Variants in PDE10A observed in about 807,000 individuals in gnomAD.
The protein encoded by PDE10A is phosphodiesterase 10A.
Under a neutral mutation model 97.7 loss-of-function variants are expected in PDE10A, and 39 were observed. The observed-to-expected ratio is 0.40, with a 90% CI of 0.31 to 0.52. The LOEUF is 0.52. Among genes scored for constraint, PDE10A ranks in the 20% least tolerant of loss-of-function variants. The probability of loss-of-function intolerance (pLI) is 0.56; values close to 1 mark genes in which losing one functional copy is unlikely to be tolerated. For missense variants in PDE10A, 731 were observed against 1,047.8 expected (o/e 0.70, Z 4.17); for synonymous variants, 371 against 376.8 (o/e 0.98, Z 0.18).
chr6:165,847,148 G>T (rs917945760), intron 1 of PDE10A, among the ~76,000 whole-genome samples: 1 of 152,220 alleles, frequency 6.6e-6, no homozygotes, highest in African/African-American at 2.4e-5. Context: ...ACAGCAGATA[G>T]AGCCAGACAG....
intron 16 of PDE10A, among the ~76,000 whole-genome samples, chr6:165,389,901 G>T (rs1296288947): frequency 1.3e-5 from 2 of 152,120 alleles, no homozygotes; most frequent in African/African-American, 4.8e-5. Context: ...AGGGAAGAAA[G>T]AACTCTATAG....
chr6:165,652,352 G>T (rs1027291856), intron 1 of PDE10A, among the ~76,000 whole-genome samples: 2 of 151,314 alleles, frequency 1.3e-5, no homozygotes, highest in Admixed American at 1.3e-4. Context: ...AACCTCCCGG[G>T]CTATTTTTTT....
chr6:165,347,996 G>A (rs1025499093), intron 18 of PDE10A, among the ~76,000 whole-genome samples: 1 of 152,006 alleles, frequency 6.6e-6, no homozygotes, highest in African/African-American at 2.4e-5. Context: ...GTTTAATATT[G>A]TACCCTTTCT....
chr6:165,757,220 C>T (rs1261661563), intron 1 of PDE10A, among the ~76,000 whole-genome samples: 1 of 152,188 alleles, frequency 6.6e-6, no homozygotes, highest in African/African-American at 2.4e-5. Context: ...CTGCCTCAGA[C>T]TCCCAAAGTG....
At chr6:165,535,632 TTC>T (rs1783039748) in intron 2 of PDE10A, among the ~76,000 whole-genome samples, 1 of 151,740 alleles carries the variant, frequency 6.6e-6, no homozygotes, top group Non-Finnish European at 1.5e-5. Context: ...CACACACATT[TTC>T]TTTGTCCAAT....
chr6:165,795,709 G>A (rs77335665), intron 1 of PDE10A, among the ~76,000 whole-genome samples: 2,364 of 152,136 alleles, frequency 0.016, 29 homozygotes, highest in East Asian at 0.054. Flanking sequence ...CCAAGATCGC[G>A]CTACTGCAAG....
At chr6:165,720,358 AC>A (rs757613620) in intron 1 of PDE10A, among the ~76,000 whole-genome samples, 7 of 152,150 alleles carry the variant, frequency 4.6e-5, no homozygotes, top group Non-Finnish European at 7.3e-5. Context: ...GCCCCGATGT[AC>A]AAATTAGGGA....
At chr6:165,505,026 G>A (rs1781110170) in intron 2 of PDE10A, among the ~76,000 whole-genome samples, 1 of 152,252 alleles carries the variant, frequency 6.6e-6, no homozygotes, top group African/African-American at 2.4e-5. Flanking sequence ...TATAGACAAG[G>A]AGCAACTTCA....
Position 165,422,418 on chromosome 6 carries a change from T to C in PDE10A, c.1654-3641A>G, listed in dbSNP as rs199935881. The stretch of plus-strand genomic sequence containing the variant: ...ATACACACATACGCATACACACATA[T>C]GCATACACACATACGCATACACACA... On this transcript the variant is annotated intron_variant, in intron 10 of 21. Coordinates refer to ENST00000539869, the MANE Select transcript of PDE10A (RefSeq NM_001385079.1). Among the ~76,000 whole-genome samples the C allele has an allele frequency of 2.1e-3, 275 of 128,384 alleles. 18 individuals carry two copies. The highest frequency in any genetic ancestry group is 3.6e-3 in the Admixed American group (49 of 13,524). 84.2% of individuals were successfully genotyped at this position (128,384 alleles called of 152,430 possible).
In PDE10A at chr6:165,328,205, A is replaced by G. The variant is rs2128169425; in HGVS notation, c.*4820T>C. ...TACAACAGATCATATGGAAAATAAT[A>G]TTCCTATATGTCATTTATATAGGCT... On this transcript the variant is annotated 3_prime_UTR_variant, in exon 22 of 22. Transcript: ENST00000539869. 1 of 152,344 alleles carries G rather than the reference A, an allele frequency of 6.6e-6. No homozygotes were observed. The highest frequency in any genetic ancestry group is 3.4e-3 in the Middle Eastern group (1 of 294). 9.4% of individuals were successfully genotyped at this position (152,344 alleles called of 1,614,324 possible). A position where few individuals can be genotyped will look rare whatever the true frequency, so the allele number is the denominator to read the frequency against.
intron 5 of PDE10A, among the ~76,000 whole-genome samples, chr6:165,443,855 T>C (rs1231631642): frequency 6.6e-6 from 1 of 152,140 alleles, no homozygotes; most frequent in African/African-American, 2.4e-5. Flanking sequence ...TTCCTAGGCC[T>C]CTGGACCTGT....
intron 2 of PDE10A, among the ~76,000 whole-genome samples, chr6:165,506,653 T>C (rs747354870): frequency 1.3e-5 from 2 of 152,188 alleles, no homozygotes; most frequent in African/African-American, 2.4e-5. Context: ...CCGGCACTCA[T>C]AGGCTTTGCC....
At chr6:165,715,148 C>T (rs116502813) in intron 1 of PDE10A, among the ~76,000 whole-genome samples, 1 of 152,204 alleles carries the variant, frequency 6.6e-6, no homozygotes, top group Non-Finnish European at 1.5e-5. Context: ...CCAGGTGCGG[C>T]CGGCGCTGCT....
rs1043977857 is a variant in PDE10A, at chr6:165,332,852, A to G, written c.*173T>C. Reference sequence around the variant, plus strand: ...GTGTCTATGATGCCTCACAGAAGAGATTGGCAGGAAGTCCTCTGCTTGACT... The same window carrying G: ...GTGTCTATGATGCCTCACAGAAGAGGTTGGCAGGAAGTCCTCTGCTTGACT... On this transcript the variant is annotated 3_prime_UTR_variant, in exon 22 of 22. Transcript: ENST00000539869. 1 of 589,998 alleles carries G rather than the reference A, an allele frequency of 1.7e-6. No individual in the cohort carries two copies. Among genetic ancestry groups the G allele is most frequent in the Non-Finnish European group, 3.0e-6 (1 of 331,402 alleles). 36.5% of individuals were successfully genotyped at this position (589,998 alleles called of 1,614,324 possible).
At chr6:165,630,888 C>T (rs1037955066) in intron 1 of PDE10A, among the ~76,000 whole-genome samples, 16 of 152,104 alleles carry the variant, frequency 1.1e-4, no homozygotes, top group East Asian at 3.9e-4. Context: ...CTGAACAAAA[C>T]GGGCAGCTCC....
chr6:165,861,221 A>G (rs1016115460), intron 1 of PDE10A, among the ~76,000 whole-genome samples: 3 of 152,194 alleles, frequency 2.0e-5, no homozygotes, highest in African/African-American at 7.2e-5. Flanking sequence ...GAGTGCACAG[A>G]TGGATGAATG....
At chr6:165,872,751 G>T (rs144455666) in intron 1 of PDE10A, among the ~76,000 whole-genome samples, 1 of 152,238 alleles carries the variant, frequency 6.6e-6, no homozygotes, top group East Asian at 1.9e-4. Flanking sequence ...CTGAAACCCC[G>T]CAAATACTCA....
intron 1 of PDE10A, among the ~76,000 whole-genome samples, chr6:165,740,128 A>C (rs1035516421): frequency 6.6e-6 from 1 of 152,196 alleles, no homozygotes; most frequent in African/African-American, 2.4e-5. Context: ...CGAAGGACAT[A>C]AAATCAGCAC....
intron 1 of PDE10A, chr6:165,774,828 T>C: frequency 1.8e-5 from 1 of 56,722 alleles, no homozygotes; most frequent in Admixed American, 3.2e-4. Flanking sequence ...ATTACTTTTT[T>C]TTCTTTTTTT....
Sources: allele counts gnomAD v4.1 joint callset (sites outside exome capture counted in the v4.1 genomes callset), GRCh38; gene constraint gnomAD v4.1.1; transcripts MANE v1.5; gene names NCBI Gene and HGNC (gene_info 2026-07-23, HGNC 2026-07-21).